Variants in SYT1 observed in about 807,000 individuals in gnomAD.
SYT1 encodes synaptotagmin 1.
A neutral mutation model predicts 44.8 loss-of-function variants in SYT1; 8 were observed. The observed-to-expected ratio is 0.18, with a 90% CI of 0.10 to 0.32. The LOEUF is 0.32. Among genes scored for constraint, SYT1 ranks in the 10% least tolerant of loss-of-function variants. The probability of loss-of-function intolerance (pLI) is 1.00; values close to 1 mark genes in which losing one functional copy is unlikely to be tolerated. For synonymous variants in SYT1, 154 were observed against 188.8 expected (o/e 0.82, Z 1.51); for missense variants, 286 against 509.3 (o/e 0.56, Z 4.22).
rs138721801 is a variant in SYT1 at position 79,055,460 on chromosome 12, A to C, written c.-18+8098A>C. On this transcript the variant is annotated intron_variant, in intron 3 of 10. Coordinates refer to ENST00000261205, the MANE Select transcript of SYT1 (RefSeq NM_005639.3). ...ACTTTAAATCAAATGATTTAGCTATATGAATTATTAGTTTTGATCTGCTAT... is the reference window on the plus strand; with the variant it reads ...ACTTTAAATCAAATGATTTAGCTATCTGAATTATTAGTTTTGATCTGCTAT... 7.8e-3 allele frequency among the ~76,000 whole-genome samples: 1,183 copies of C among 152,168 alleles called. 19 individuals carry two copies. Among genetic ancestry groups the C allele is most frequent in the African/African-American group, 0.028 (1,143 of 41,558 alleles).
At chr12:79,246,038 A>T (rs1341483955) in intron 4 of SYT1, among the ~76,000 whole-genome samples, 1 of 152,180 alleles carries the variant, frequency 6.6e-6, no homozygotes, top group East Asian at 1.9e-4. Flanking sequence ...AGTACTTTTA[A>T]TATCAATTTA....
intron 3 of SYT1, among the ~76,000 whole-genome samples, chr12:79,134,283 A>G (rs535941549): frequency 1.3e-5 from 2 of 152,362 alleles, no homozygotes; most frequent in East Asian, 1.9e-4. Flanking sequence ...TTACAAAGGC[A>G]TATTTGAATT....
chr12:79,078,606 A>G (rs1276801334), intron 3 of SYT1, among the ~76,000 whole-genome samples: 3 of 151,952 alleles, frequency 2.0e-5, no homozygotes, highest in African/African-American at 7.3e-5. Flanking sequence ...AAACCTGTGT[A>G]TGGTGGTTTG....
chr12:79,254,094 A>G (rs1160705889), intron 4 of SYT1, among the ~76,000 whole-genome samples: 1 of 152,232 alleles, frequency 6.6e-6, no homozygotes, highest in African/African-American at 2.4e-5. Flanking sequence ...ACACTAAACA[A>G]CATGTCTTCC....
intron 8 of SYT1, among the ~76,000 whole-genome samples, chr12:79,303,733 C>T (rs149623802): frequency 2.0e-5 from 3 of 152,240 alleles, no homozygotes; most frequent in African/African-American, 7.2e-5. Flanking sequence ...CACAGAAAAG[C>T]ATGTGAAGAA....
intron 9 of SYT1, among the ~76,000 whole-genome samples, chr12:79,409,230 A>C (rs1868334518): frequency 6.6e-6 from 1 of 152,174 alleles, no homozygotes; most frequent in Admixed American, 6.6e-5. Flanking sequence ...CAAGAATATG[A>C]TGGATCAAGT....
chr12:79,310,362 T>C (rs994613614), intron 8 of SYT1, among the ~76,000 whole-genome samples: 93 of 152,254 alleles, frequency 6.1e-4, no homozygotes, highest in Non-Finnish European at 1.2e-3. Flanking sequence ...CTCTGTTCTG[T>C]TCCATTGATC....
chr12:78,962,332 C>CT (rs35875550), intron 1 of SYT1, among the ~76,000 whole-genome samples: 13,076 of 130,086 alleles, frequency 0.1, 681 homozygotes, highest in South Asian at 0.15. Context: ...AGCATTCTTT[C>CT]TTTTTTTTTT....
At chr12:79,372,065 T>G (rs1883812121) in intron 9 of SYT1, among the ~76,000 whole-genome samples, 1 of 152,212 alleles carries the variant, frequency 6.6e-6, no homozygotes, top group Admixed American at 6.5e-5. Flanking sequence ...AACACCCTCA[T>G]TATTTCTTTT....
At chr12:78,960,912 C>A (rs1424350916) in intron 1 of SYT1, among the ~76,000 whole-genome samples, 2 of 152,084 alleles carry the variant, frequency 1.3e-5, no homozygotes, top group African/African-American at 2.4e-5. Flanking sequence ...AGGTGGAAAG[C>A]AATATAAAAC....
At chr12:79,317,790 C>T (rs1881168103) in intron 8 of SYT1, among the ~76,000 whole-genome samples, 1 of 152,100 alleles carries the variant, frequency 6.6e-6, no homozygotes, top group Non-Finnish European at 1.5e-5. Context: ...CAGTGCACCG[C>T]AGTGAGAGGA....
intron 1 of SYT1, among the ~76,000 whole-genome samples, chr12:78,946,511 C>T (rs191884566): frequency 5.9e-5 from 9 of 151,916 alleles, no homozygotes; most frequent in Admixed American, 5.2e-4. Flanking sequence ...AGAAATTAGC[C>T]AGGTGTGGTG....
chr12:78,973,890 T>G (rs1183800501), intron 1 of SYT1, among the ~76,000 whole-genome samples: 2 of 109,644 alleles, frequency 1.8e-5, no homozygotes. Context: ...AAAGCAACTA[T>G]AGCAGCAAGA....
chr12:78,903,227 A>G (rs1472763182), intron 1 of SYT1, among the ~76,000 whole-genome samples: 2 of 151,504 alleles, frequency 1.3e-5, no homozygotes, highest in Non-Finnish European at 2.9e-5. Context: ...TTATATTAAA[A>G]AAAGAGAAAA....
In SYT1 at chr12:79,179,348, C is replaced by CTATATAGATATAGATATAGATATAGA. The variant is rs1565841896; in HGVS notation, c.-17-38150_-17-38149insAGATATAGATATAGATATAGATATAT. On this transcript the variant is annotated intron_variant, in intron 3 of 10. Coordinates refer to ENST00000261205, the MANE Select transcript of SYT1 (RefSeq NM_005639.3). ...TATAGATATAGATATATCGATATGT[C>CTATATAGATATAGATATAGATATAGA]TATATCGATATAGATATAGATATAG... Among the ~76,000 whole-genome samples the CTATATAGATATAGATATAGATATAGA allele has an allele frequency of 4.2e-3, 28 of 6,590 alleles. 1 individual carries two copies. The highest frequency in any genetic ancestry group is 7.5e-3 in the Non-Finnish European group (23 of 3,070). The allele number at this position is 6,590 out of a possible 152,430, so 4.3% of individuals were successfully genotyped here.
intron 1 of SYT1, among the ~76,000 whole-genome samples, chr12:78,937,004 G>C (rs558426641): frequency 6.6e-6 from 1 of 152,248 alleles, no homozygotes; most frequent in East Asian, 1.9e-4. Flanking sequence ...CCAGGTCCTT[G>C]AGAAAGACAT....
chr12:79,136,544 T>G (rs1054552281), intron 3 of SYT1, among the ~76,000 whole-genome samples: 1 of 152,210 alleles, frequency 6.6e-6, no homozygotes, highest in African/African-American at 2.4e-5. Flanking sequence ...GTACTACATA[T>G]TACTATTATA....
chr12:79,247,259 T>G, intron 4 of SYT1, among the ~76,000 whole-genome samples: 1 of 152,122 alleles, frequency 6.6e-6, no homozygotes, highest in East Asian at 1.9e-4. Context: ...GTATAGAAAA[T>G]GCATTCTCAT....
intron 1 of SYT1, among the ~76,000 whole-genome samples, chr12:78,954,741 T>G (rs1879126738): frequency 6.6e-6 from 1 of 152,114 alleles, no homozygotes. Context: ...ATAAAATATG[T>G]AACTCATCTA....
Sources: gnomAD v4.1 joint callset for allele counts (sites outside exome capture counted in the v4.1 genomes callset) on GRCh38, gnomAD v4.1.1 for gene constraint, MANE v1.5 for transcripts, NCBI Gene and HGNC (gene_info 2026-07-23, HGNC 2026-07-21) for gene names.